GARRE1: variants seen among roughly 807,000 people sequenced by gnomAD.
GARRE1 encodes the protein granule associated Rac and RHOG effector 1, also known as granule associated Rac and RHOG effector protein 1.
GARRE1 carries 49 observed loss-of-function variants against 103.2 expected under a neutral mutation model. That is an observed-to-expected ratio of 0.47 (90% CI 0.38 to 0.60). The LOEUF (loss-of-function observed/expected upper bound fraction) is 0.60, where lower values mean the gene tolerates loss of function less well. Among genes scored for constraint, GARRE1 ranks in the 20% least tolerant of loss-of-function variants. The pLI, the probability that GARRE1 is intolerant of heterozygous loss-of-function variation, is 0.00. For missense variants in GARRE1, 1,199 were observed against 1,370.5 expected, an observed-to-expected ratio of 0.87 and a Z score of 1.98; for synonymous variants, 505 against 532.8, an observed-to-expected ratio of 0.95 and a Z score of 0.72.
Position 34,258,538 on chromosome 19 carries a change from A to G in GARRE1, c.-796+3924A>G, listed in dbSNP as rs141263034. Among the ~76,000 whole-genome samples the G allele has an allele frequency of 3.4e-3, 524 of 152,212 alleles. 2 individuals are homozygous for G. Among genetic ancestry groups the G allele is most frequent in the African/African-American group, 0.012 (498 of 41,532 alleles). On this transcript the variant is annotated intron_variant, in intron 1 of 13. Coordinates refer to ENST00000299505, the MANE Select transcript of GARRE1 (RefSeq NM_014686.5). ...AGTGGCTCACGCCTGTAATCCCAGC[A>G]CTTTGGGAGGCCGAGGTGAGCGGAT...
chr19:34,326,882 C>T (rs182735634), intron 3 of GARRE1, among the ~76,000 whole-genome samples: 532 of 152,050 alleles, frequency 3.5e-3, no homozygotes, highest in African/African-American at 0.012. Context: ...CGGCCGGGCT[C>T]GGTGGCTCAA....
At position 34,256,727 on chromosome 19, in the gene GARRE1, CTACTTACAAAGTTCA is replaced by C. The variant is rs2073675478; in HGVS notation, c.-796+2116_-796+2130del. On this transcript the variant is annotated intron_variant, in intron 1 of 13. Transcript: ENST00000299505. ...AGTTCTAAGTGTATGTTTGTAAGGG[CTACTTACAAAGTTCA>C]TATTTACATTTTGTGTGTGCTTAGA... Among the ~76,000 whole-genome samples, 4 of 152,046 alleles carry C rather than the reference CTACTTACAAAGTTCA, an allele frequency of 2.6e-5. No individual in the cohort carries two copies. The South Asian group carries it at 8.3e-4, about 32-fold the overall frequency.
intron 11 of GARRE1, chr19:34,348,586 A>T (rs1002927146): frequency 2.7e-5 from 4 of 150,452 alleles, no homozygotes; most frequent in African/African-American, 7.4e-5. Flanking sequence ...TTATTTTTAA[A>T]TTTTTTTTTT....
At position 34,300,449 on chromosome 19, in the gene GARRE1, T is replaced by C; in HGVS notation, c.-25T>C. 6.6e-7 allele frequency: 1 copy of C among 1,526,008 alleles called. No individual in the cohort carries two copies. The highest frequency in any genetic ancestry group is 8.8e-7 in the Non-Finnish European group (1 of 1,134,582). 94.5% of individuals were successfully genotyped at this position (1,526,008 alleles called of 1,614,324 possible). ...AATCAGAACCCTGACCCACTTACGGTTGCTGGGACAATTCCCCCTCCCGCA... is the reference window on the plus strand; with the variant it reads ...AATCAGAACCCTGACCCACTTACGGCTGCTGGGACAATTCCCCCTCCCGCA... On this transcript the variant is annotated 5_prime_UTR_variant, in exon 2 of 14. Coordinates refer to ENST00000299505, the MANE Select transcript of GARRE1 (RefSeq NM_014686.5).
At chr19:34,345,432 A>C (rs2074206497) in intron 10 of GARRE1, among the ~76,000 whole-genome samples, 1 of 152,232 alleles carries the variant, frequency 6.6e-6, no homozygotes, top group Non-Finnish European at 1.5e-5. Flanking sequence ...TGGTGTGGGC[A>C]CAGTGCGTTT....
intron 1 of GARRE1, among the ~76,000 whole-genome samples, chr19:34,273,766 A>G (rs1793665726): frequency 6.6e-6 from 1 of 152,178 alleles, no homozygotes; most frequent in African/African-American, 2.4e-5. Flanking sequence ...AGTGATGCCT[A>G]AGTTAGACAT....
At chr19:34,342,888 TC>T (rs1293832686) in intron 10 of GARRE1, among the ~76,000 whole-genome samples, 2 of 151,892 alleles carry the variant, frequency 1.3e-5, no homozygotes, top group Non-Finnish European at 2.9e-5. Flanking sequence ...ACAGACACCC[TC>T]CTGCCTTCAT....
intron 1 of GARRE1, among the ~76,000 whole-genome samples, chr19:34,258,786 T>C (rs1309190772): frequency 1.8e-5 from 2 of 112,522 alleles, no homozygotes. Context: ...TAAGACTCCG[T>C]CTCAAAAAAA....
chr19:34,258,703 T>C (rs890579907), intron 1 of GARRE1, among the ~76,000 whole-genome samples: 1 of 151,700 alleles, frequency 6.6e-6, no homozygotes, highest in Non-Finnish European at 1.5e-5. Flanking sequence ...GGTAGGAGAA[T>C]GGTGTGAACC....
At chr19:34,281,038 G>A (rs1237587581) in intron 1 of GARRE1, among the ~76,000 whole-genome samples, 1 of 151,974 alleles carries the variant, frequency 6.6e-6, no homozygotes, top group Admixed American at 6.6e-5. Context: ...AAGGATTAAA[G>A]GATTTTTATA....
intron 2 of GARRE1, among the ~76,000 whole-genome samples, chr19:34,313,538 G>A (rs1288946321): frequency 1.3e-5 from 2 of 152,174 alleles, no homozygotes; most frequent in African/African-American, 2.4e-5. Context: ...GCGACAGAGC[G>A]GCCTCACCCA....
At chr19:34,342,613 C>T (rs1231500880) in intron 10 of GARRE1, among the ~76,000 whole-genome samples, 158 bp downstream of exon 10, 4 of 152,156 alleles carry the variant, frequency 2.6e-5, no homozygotes, top group Non-Finnish European at 5.9e-5. Context: ...TGGGGCAGAT[C>T]TACCAAGATG....
At chr19:34,264,418 G>A (rs1176484316) in intron 1 of GARRE1, among the ~76,000 whole-genome samples, 1 of 151,678 alleles carries the variant, frequency 6.6e-6, no homozygotes, top group East Asian at 1.9e-4. Flanking sequence ...TTGGAGGGGG[G>A]GACGGAGTCT....
intron 2 of GARRE1, among the ~76,000 whole-genome samples, chr19:34,312,861 A>T (rs916433150): frequency 2.0e-5 from 3 of 152,208 alleles, no homozygotes; most frequent in African/African-American, 7.2e-5. Flanking sequence ...TGGGAGGCTG[A>T]GGTTGCAGTG....
intron 8 of GARRE1, among the ~76,000 whole-genome samples, chr19:34,338,422 A>G (rs539146926): frequency 1.1e-4 from 17 of 152,330 alleles, no homozygotes; most frequent in Admixed American, 3.3e-4. Flanking sequence ...CTGTAGTTCC[A>G]GCTACTTAGG....
chr19:34,347,815 T>C lies in GARRE1; in HGVS notation c.2522-62T>C, dbSNP rs927853572. ...GTGTGACCAGCACGTTAGCAAAGCG[T>C]AGGGAAGGACCAAGAGGCCAGTTTG... On this transcript the variant is annotated intron_variant, in intron 10 of 13. Coordinates refer to ENST00000299505, the MANE Select transcript of GARRE1 (RefSeq NM_014686.5). 7 of 1,413,934 alleles carry C rather than the reference T, an allele frequency of 5.0e-6. No individual in the cohort carries two copies. The African/African-American group carries it at 7.3e-5, about 15-fold the overall frequency. The allele number at this position is 1,413,934 out of a possible 1,614,324, so 87.6% of individuals were successfully genotyped here.
At chr19:34,270,272 T>G (rs1414850532) in intron 1 of GARRE1, among the ~76,000 whole-genome samples, 1 of 152,222 alleles carries the variant, frequency 6.6e-6, no homozygotes, top group Non-Finnish European at 1.5e-5. Context: ...ACTACCTTCT[T>G]CCTCTAGGAG....
At chr19:34,284,267 G>A (rs1371428270) in intron 1 of GARRE1, among the ~76,000 whole-genome samples, 9 of 151,286 alleles carry the variant, frequency 5.9e-5, no homozygotes, top group Non-Finnish European at 1.0e-4. Context: ...TGAAATTACC[G>A]GCATGTGCTA....
In GARRE1 at chr19:34,301,982, C is replaced by CTTTTT. The variant is rs35417822; in HGVS notation, c.495+1037_495+1041dup. ...ACAGGTGTGAGCCACTGCGCCCAGC[C>CTTTTT]TTTTTTTTTTTTTTTTTTTTTTTTT... On this transcript the variant is annotated intron_variant, in intron 2 of 13. Coordinates refer to ENST00000299505, the MANE Select transcript of GARRE1 (RefSeq NM_014686.5). Among the ~76,000 whole-genome samples the CTTTTT allele has an allele frequency of 4.0e-5, 2 of 50,030 alleles. 1 individual carries two copies. Among genetic ancestry groups the CTTTTT allele is most frequent in the African/African-American group, 1.3e-4 (2 of 15,170 alleles). 32.8% of individuals were successfully genotyped at this position (50,030 alleles called of 152,430 possible). A position where few individuals can be genotyped will look rare whatever the true frequency, so the allele number is the denominator to read the frequency against.
Sources: gnomAD v4.1 joint callset for allele counts (sites outside exome capture counted in the v4.1 genomes callset) on GRCh38, gnomAD v4.1.1 for gene constraint, MANE v1.5 for transcripts, NCBI Gene and HGNC (gene_info 2026-07-23, HGNC 2026-07-21) for gene names.